DNAH14: variants seen among roughly 807,000 people sequenced by gnomAD.
DNAH14 encodes axonemal beta dynein heavy chain 14.
Under a neutral mutation model 520.9 loss-of-function variants are expected in DNAH14, and 478 were observed. The ratio of observed to expected loss-of-function variants is 0.92; its 90% CI spans 0.85 to 0.99. The LOEUF (loss-of-function observed/expected upper bound fraction) is 0.99. Ranked by LOEUF, DNAH14 falls within the 50% of genes least tolerant of loss-of-function variation. The pLI, the probability that DNAH14 is intolerant of heterozygous loss-of-function variation, is 0.00. For missense variants in DNAH14, 4,831 were observed against 5,234.5 expected (o/e 0.92, Z 2.38); for synonymous variants, 1,581 against 1,757.2 (o/e 0.90, Z 2.51).
intron 7 of DNAH14, among the ~76,000 whole-genome samples, chr1:224,973,601 G>C (rs1371926337): frequency 6.6e-6 from 1 of 152,036 alleles, no homozygotes; most frequent in Non-Finnish European, 1.5e-5. Context: ...TTCTCATGTA[G>C]GTTCTTTGAG....
chr1:225,359,342 T>A (rs1301201797), intron 74 of DNAH14, among the ~76,000 whole-genome samples: 1 of 152,234 alleles, frequency 6.6e-6, no homozygotes, highest in African/African-American at 2.4e-5. Flanking sequence ...TCTATGTCTA[T>A]GCACGTGTTT....
intron 75 of DNAH14, among the ~76,000 whole-genome samples, chr1:225,362,459 C>G (rs899105472): frequency 3.3e-5 from 5 of 151,804 alleles, no homozygotes; most frequent in Admixed American, 1.3e-4. Context: ...CCTGTAGTCC[C>G]AGCTACTCAG....
Position 225,123,585 on chromosome 1 carries a change from T to C in DNAH14, c.4225T>C (p.Ser1409Pro), listed in dbSNP as rs2077454639. The C allele has an allele frequency of 2.3e-6, 1 of 433,462 alleles. No homozygotes were observed. Among genetic ancestry groups the C allele is most frequent in the Admixed American group, 2.5e-5 (1 of 40,732 alleles). The allele number at this position is 433,462 out of a possible 1,614,324, so 26.9% of individuals were successfully genotyped here. A position where few individuals can be genotyped will look rare whatever the true frequency, so the allele number is the denominator to read the frequency against. Residue 1409 changes from serine to proline, a missense_variant, in exon 27 of 86, where the codon TCT (serine) becomes CCT (proline). Physicochemically the swap from Ser to Pro is moderately conservative, Grantham distance 74 (BLOSUM62 -1). Transcript: ENST00000682510. The part of the protein sequence containing the change: ...NCQMFSQWVL[S>P]HPGQVVLTVS... ...CCAGATGTTTTCCCAATGGGTGTTA[T>C]CTCATCCAGGACAAGTGGTACTTAC...
In DNAH14 at chr1:225,243,519, A is replaced by T. The variant is rs1458648297; in HGVS notation, c.6748+2697A>T. Among the ~76,000 whole-genome samples the T allele has an allele frequency of 2.0e-5, 3 of 152,178 alleles. No homozygotes were observed. The East Asian group carries it at 5.8e-4, about 29-fold the overall frequency. On this transcript the variant is annotated intron_variant, in intron 43 of 85. Transcript: ENST00000682510. Reference sequence around the variant, plus strand: ...TGAATTCATCTCAGGGAAAATTATTATGACCTAACACAGATTTGAATGTAA... The same window carrying T: ...TGAATTCATCTCAGGGAAAATTATTTTGACCTAACACAGATTTGAATGTAA...
In DNAH14 at chr1:225,303,490, G is replaced by A; in HGVS notation, c.8823+143G>A. ...ATAAAATGGATCAAGTGTTTACAATGACTCCCTATTAATTCCCCATCTGTT... is the reference window on the plus strand; with the variant it reads ...ATAAAATGGATCAAGTGTTTACAATAACTCCCTATTAATTCCCCATCTGTT... On this transcript the variant is annotated intron_variant, in intron 57 of 85. Transcript: ENST00000682510. The A allele has an allele frequency of 2.9e-6, 2 of 685,232 alleles. 1 individual carries two copies. The allele number at this position is 685,232 out of a possible 1,614,324, so 42.4% of individuals were successfully genotyped here.
chr1:225,310,058 GA>G (rs569245148), intron 60 of DNAH14, among the ~76,000 whole-genome samples: 2 of 149,782 alleles, frequency 1.3e-5, no homozygotes, highest in African/African-American at 4.9e-5. Context: ...AATAAAAAAA[GA>G]AAAATAAATA....
chr1:225,101,247 A>G (rs3128666), intron 23 of DNAH14, among the ~76,000 whole-genome samples: 39,416 of 151,538 alleles, frequency 0.26, 7,938 homozygotes, highest in African/African-American at 0.56. Flanking sequence ...TAGATAGTAG[A>G]TGTATATATT....
intron 8 of DNAH14, among the ~76,000 whole-genome samples, chr1:224,996,861 T>C (rs2063425708): frequency 6.6e-6 from 1 of 152,142 alleles, no homozygotes; most frequent in Non-Finnish European, 1.5e-5. Flanking sequence ...GGGGTGGGCT[T>C]TGAGCCTGAA....
intron 41 of DNAH14, among the ~76,000 whole-genome samples, chr1:225,213,195 G>T (rs12091058): frequency 0.026 from 4,007 of 152,108 alleles, 159 homozygotes; most frequent in African/African-American, 0.08. Flanking sequence ...TTTTTGTCAG[G>T]TTTGTCAAAG....
At chr1:225,235,753 T>C (rs1398980338) in intron 42 of DNAH14, among the ~76,000 whole-genome samples, 4 of 152,184 alleles carry the variant, frequency 2.6e-5, no homozygotes, top group African/African-American at 4.8e-5. Context: ...GATTTCTTCC[T>C]TGTTCAGTCT....
chr1:225,294,370 T>G (rs1035743843), intron 55 of DNAH14, among the ~76,000 whole-genome samples: 1 of 152,182 alleles, frequency 6.6e-6, no homozygotes, highest in Non-Finnish European at 1.5e-5. Context: ...TGTATCTAGA[T>G]TCATCAGGAA....
Position 225,043,094 on chromosome 1 carries a change from A to G in DNAH14, c.1748A>G (p.Asn583Ser), listed in dbSNP as rs1258790317. The change falls in exon 13 of 86, where the codon AAT becomes AGT. Residue 583 changes from asparagine (N) to serine (S), a missense_variant. Transcript: ENST00000682510. ...AAGAAATCAAAAGAAATTAGTTACA[A>G]TCTTGAAGATATTATTTCAGGTAAG... ...KAKKSKEISYNLEDIISDTEI... is the reference protein window; with the variant it reads ...KAKKSKEISYSLEDIISDTEI... 10 of 1,550,578 alleles carry G rather than the reference A, an allele frequency of 6.4e-6. No homozygotes were observed. Among genetic ancestry groups the G allele is most frequent in the Non-Finnish European group, 8.7e-6 (10 of 1,146,856 alleles).
intron 7 of DNAH14, among the ~76,000 whole-genome samples, chr1:224,972,363 G>A (rs2061547294): frequency 1.3e-5 from 2 of 151,950 alleles, no homozygotes; most frequent in South Asian, 4.1e-4. Context: ...GGGTGCAGTG[G>A]TGCGATCTCG....
chr1:225,293,725 A>G (rs747328291), intron 55 of DNAH14, among the ~76,000 whole-genome samples: 5 of 152,194 alleles, frequency 3.3e-5, no homozygotes, highest in Non-Finnish European at 7.3e-5. Context: ...TAGGCTTTAT[A>G]CCTGGCTGAT....
In DNAH14 at chr1:225,258,892, CTT is replaced by C. The variant is rs558364030; in HGVS notation, c.7025-228_7025-227del. Among the ~76,000 whole-genome samples the C allele has an allele frequency of 3.7e-3, 559 of 152,224 alleles. 4 individuals are homozygous for C. The highest frequency in any genetic ancestry group is 0.013 in the African/African-American group (541 of 41,558). ...CATTAGATAAAAATAATAGTTAACT[CTT>C]AATCTATTCTTTTGTAAGAGGTGTA... is the stretch of plus-strand genomic sequence containing the variant. On this transcript the variant is annotated intron_variant, in intron 45 of 85. Coordinates refer to ENST00000682510, the MANE Select transcript of DNAH14 (RefSeq NM_001367479.1).
intron 78 of DNAH14, among the ~76,000 whole-genome samples, chr1:225,375,252 CT>C (rs1430839386): frequency 2.0e-5 from 3 of 152,186 alleles, no homozygotes; most frequent in African/African-American, 7.2e-5. Context: ...AATCCCACAT[CT>C]CTTGTTTATC....
chr1:225,046,249 A>G (rs2067951789), intron 15 of DNAH14, among the ~76,000 whole-genome samples: 1 of 152,028 alleles, frequency 6.6e-6, no homozygotes. Flanking sequence ...ATTCATATTC[A>G]TACATTAGTC....
At chr1:225,186,184 T>G (rs2084703314) in intron 37 of DNAH14, among the ~76,000 whole-genome samples, 1 of 148,486 alleles carries the variant, frequency 6.7e-6, no homozygotes, top group Admixed American at 6.8e-5. Flanking sequence ...GGTAACATAT[T>G]CCAAAAATTT....
In DNAH14 at chr1:225,211,113, A is replaced by G. The variant is rs372274262; in HGVS notation, c.6439+3893A>G. On this transcript the variant is annotated intron_variant, in intron 41 of 85. Transcript: ENST00000682510. ...GCCTCTTCTCCTCCAAAGGATTACAATTCCTCGCCAGGAAGGCAACAAAAC... is the reference window on the plus strand; with the variant it reads ...GCCTCTTCTCCTCCAAAGGATTACAGTTCCTCGCCAGGAAGGCAACAAAAC... Among the ~76,000 whole-genome samples, 207 of 152,302 alleles carry G rather than the reference A, an allele frequency of 1.4e-3. 2 individuals are homozygous for G. Among genetic ancestry groups the G allele is most frequent in the Middle Eastern group, 6.8e-3 (2 of 294 alleles).
Sources: gnomAD v4.1 joint callset for allele counts (sites outside exome capture counted in the v4.1 genomes callset) on GRCh38, gnomAD v4.1.1 for gene constraint, MANE v1.5 for transcripts, NCBI Gene and HGNC (gene_info 2026-07-23, HGNC 2026-07-21) for gene names.